The following MDGA2 variants were observed in gnomAD, a reference collection of about 807,000 sequenced individuals.
MDGA2 encodes MAM domain containing glycosylphosphatidylinositol anchor 2, also known as MAM domain-containing glycosylphosphatidylinositol anchor protein 2.
A neutral mutation model predicts 117.8 loss-of-function variants in MDGA2; 40 were observed. The ratio of observed to expected loss-of-function variants is 0.34; its 90% CI spans 0.26 to 0.44. MDGA2 has a LOEUF of 0.44. Among genes scored for constraint, MDGA2 ranks in the 20% least tolerant of loss-of-function variants. MDGA2 has a pLI of 1.00. For synonymous variants in MDGA2, 452 were observed against 439.0 expected (o/e 1.03, Z -0.37); for missense variants, 1,123 against 1,250.6 (o/e 0.90, Z 1.54).
intron 2 of MDGA2, among the ~76,000 whole-genome samples, chr14:47,223,725 AT>A (rs1463376793): frequency 1.3e-5 from 2 of 152,210 alleles, no homozygotes; most frequent in African/African-American, 4.8e-5. Flanking sequence ...ATGCTATTGT[AT>A]TAGTCCGTTC....
At chr14:47,341,933 G>A (rs1594806902) in intron 1 of MDGA2, among the ~76,000 whole-genome samples, 1 of 152,022 alleles carries the variant, frequency 6.6e-6, no homozygotes, top group Non-Finnish European at 1.5e-5. Flanking sequence ...CTGACCTCCC[G>A]GGTTCAGGCA....
chr14:47,342,288 T>C (rs1037579981), intron 1 of MDGA2, among the ~76,000 whole-genome samples: 1 of 141,130 alleles, frequency 7.1e-6, no homozygotes, highest in Non-Finnish European at 1.6e-5. Flanking sequence ...ATATAAAATA[T>C]GTTATATATA....
At chr14:46,919,492 C>T (rs1475026780) in intron 10 of MDGA2, among the ~76,000 whole-genome samples, 1 of 152,184 alleles carries the variant, frequency 6.6e-6, no homozygotes, top group East Asian at 1.9e-4. Flanking sequence ...ATCTTCAGCT[C>T]CCTTAAGAAA....
chr14:46,883,974 T>C (rs1882566678), intron 10 of MDGA2, among the ~76,000 whole-genome samples: 1 of 152,110 alleles, frequency 6.6e-6, no homozygotes, highest in Non-Finnish European at 1.5e-5. Context: ...GGTATCCTTT[T>C]TCATGGGGCT....
At chr14:47,116,917 A>T (rs1881359706) in intron 5 of MDGA2, among the ~76,000 whole-genome samples, 1 of 144,562 alleles carries the variant, frequency 6.9e-6, no homozygotes, top group South Asian at 2.1e-4. Flanking sequence ...GTGGGACCAC[A>T]TCAAAATAAA....
chr14:47,645,886 CACGATG>C (rs893471622), intron 1 of MDGA2, among the ~76,000 whole-genome samples: 1 of 151,546 alleles, frequency 6.6e-6, no homozygotes, highest in African/African-American at 2.4e-5. Flanking sequence ...TCCTGGCTAA[CACGATG>C]AAACCCAGTC....
intron 1 of MDGA2, among the ~76,000 whole-genome samples, chr14:47,333,888 T>G (rs1594801943): frequency 6.6e-6 from 1 of 151,982 alleles, no homozygotes; most frequent in Admixed American, 6.6e-5. Context: ...GTAGTTTTAT[T>G]AAAATGATTT....
At chr14:47,284,596 A>G (rs72680289) in intron 2 of MDGA2, among the ~76,000 whole-genome samples, 13,843 of 152,208 alleles carry the variant, frequency 0.091, 782 homozygotes, top group Non-Finnish European at 0.11. Flanking sequence ...TTTCTCAAAC[A>G]TAATGAGAAA....
chr14:47,544,386 T>A (rs530179767), intron 1 of MDGA2, among the ~76,000 whole-genome samples: 1 of 152,314 alleles, frequency 6.6e-6, no homozygotes, highest in African/African-American at 2.4e-5. Flanking sequence ...CTAAATTGCA[T>A]ATTTTTTTAA....
At chr14:46,864,469 AC>A (rs1463298802) in intron 14 of MDGA2, among the ~76,000 whole-genome samples, 7 of 150,076 alleles carry the variant, frequency 4.7e-5, no homozygotes, top group Admixed American at 2.0e-4. Context: ...AAAAGGATGT[AC>A]TAGACTCCAA....
chr14:47,023,471 C>T (rs1888366708), intron 8 of MDGA2, among the ~76,000 whole-genome samples: 1 of 152,076 alleles, frequency 6.6e-6, no homozygotes, highest in Non-Finnish European at 1.5e-5. Context: ...ATTTAATCCT[C>T]AGAAAAATCC....
intron 10 of MDGA2, among the ~76,000 whole-genome samples, chr14:46,916,357 G>A (rs1037961714): frequency 3.3e-5 from 5 of 151,830 alleles, no homozygotes; most frequent in African/African-American, 7.3e-5. Flanking sequence ...AACTGGCTTC[G>A]AGATCTTGAT....
At chr14:47,459,557 C>T (rs1893439177) in intron 1 of MDGA2, among the ~76,000 whole-genome samples, 2 of 147,534 alleles carry the variant, frequency 1.4e-5, no homozygotes, top group Non-Finnish European at 3.0e-5. Flanking sequence ...TCCTTCCTTC[C>T]TTCTTTCCTT....
chr14:47,461,627 T>C (rs1186007090), intron 1 of MDGA2, among the ~76,000 whole-genome samples: 1 of 151,600 alleles, frequency 6.6e-6, no homozygotes, highest in East Asian at 1.9e-4. Context: ...AGAATACCTG[T>C]AAAGATTGTG....
At chr14:46,871,198 C>A (rs1566500612) in intron 14 of MDGA2, 1 of 151,862 alleles carries the variant, frequency 6.6e-6, no homozygotes, top group Non-Finnish European at 1.5e-5. Flanking sequence ...AGTCTAGATT[C>A]TGTTTCTGAA....
In MDGA2 at chr14:46,850,155, TA is replaced by T. The variant is rs1352616655; in HGVS notation, c.2884-4285del. Among the ~76,000 whole-genome samples, 6 of 152,014 alleles carry T rather than the reference TA, an allele frequency of 3.9e-5. No individual in the cohort carries two copies. In the East Asian group the frequency reaches 1.2e-3, roughly 29 times the overall value. ...GGTAAGTAAATTCAAACGGGAATTC[TA>T]AAAAATTAATGTGGATTTCTGTATT... On this transcript the variant is annotated intron_variant, in intron 15 of 16. Coordinates refer to ENST00000399232, the MANE Select transcript of MDGA2 (RefSeq NM_001113498.3).
At chr14:47,167,936 T>A (rs1420350118) in intron 3 of MDGA2, among the ~76,000 whole-genome samples, 1 of 152,200 alleles carries the variant, frequency 6.6e-6, no homozygotes, top group Non-Finnish European at 1.5e-5. Flanking sequence ...TGCATCTCTT[T>A]TATTGCATAT....
Position 46,911,293 on chromosome 14 carries a change from T to C in MDGA2, c.2238+8719A>G, listed in dbSNP as rs1398811106. ...AGCAATTTAAACATCAATGATATTT[T>C]GCATTTCTTTCTTGAACATTTTAAA... On this transcript the variant is annotated intron_variant, in intron 10 of 16. Transcript: ENST00000399232. Among the ~76,000 whole-genome samples, 10 of 152,234 alleles carry C rather than the reference T, an allele frequency of 6.6e-5. 1 individual carries two copies. In the East Asian group the frequency reaches 1.9e-3, roughly 29 times the overall value.
rs181291263 is a variant in MDGA2 at position 47,226,205 on chromosome 14, C to T, written c.421-8010G>A. Reference sequence around the variant, plus strand: ...CTCCAGCCTGGGCAACAGAGTGAGACACTGTCTCACCATAAATAAATAAAT... The same window carrying T: ...CTCCAGCCTGGGCAACAGAGTGAGATACTGTCTCACCATAAATAAATAAAT... On this transcript the variant is annotated intron_variant, in intron 2 of 16. Coordinates refer to ENST00000399232, the MANE Select transcript of MDGA2 (RefSeq NM_001113498.3). Among the ~76,000 whole-genome samples the T allele has an allele frequency of 4.0e-5, 6 of 148,664 alleles. No individual in the cohort carries two copies. The Admixed American group carries it at 4.1e-4, about 10-fold the overall frequency.
Sources: gnomAD v4.1 joint callset for allele counts (sites outside exome capture counted in the v4.1 genomes callset) on GRCh38, gnomAD v4.1.1 for gene constraint, MANE v1.5 for transcripts, NCBI Gene and HGNC (gene_info 2026-07-23, HGNC 2026-07-21) for gene names.